The following TNIP3 variants were observed in gnomAD, a reference collection of about 807,000 sequenced individuals.
The protein encoded by TNIP3 is TNFAIP3-interacting protein 3.
Under a neutral mutation model 54.1 loss-of-function variants are expected in TNIP3, and 34 were observed. The ratio of observed to expected loss-of-function variants is 0.63; its 90% CI spans 0.48 to 0.84. The LOEUF is 0.84. TNIP3 is among the 40% of genes least tolerant of loss of function. The pLI is 0.00. For missense variants in TNIP3, 366 were observed against 387.6 expected (o/e 0.94, Z 0.47); for synonymous variants, 134 against 136.8 (o/e 0.98, Z 0.14).
chr4:121,179,980 A>T (rs1012390712), intron 3 of TNIP3, among the ~76,000 whole-genome samples: 2 of 152,152 alleles, frequency 1.3e-5, no homozygotes, highest in African/African-American at 4.8e-5. Flanking sequence ...TGAGCCCAGG[A>T]CAGATCCTTG....
Position 121,196,760 on chromosome 4 carries a change from T to C in TNIP3, c.69-13964A>G, listed in dbSNP as rs192282060. 2.4e-3 allele frequency among the ~76,000 whole-genome samples: 372 copies of C among 152,184 alleles called. 3 individuals carry two copies. The highest frequency in any genetic ancestry group is 2.5e-3 in the Non-Finnish European group (167 of 67,978). On this transcript the variant is annotated intron_variant, in intron 2 of 12. Coordinates refer to the TNIP3 transcript ENST00000507879. ...TTCTGTATAAAGGTTTTTATAATAA[T>C]TGTTATAATAATACAATTTCAACGT...
intron 2 of TNIP3, among the ~76,000 whole-genome samples, chr4:121,196,016 G>A (rs568810140): frequency 2.6e-5 from 4 of 152,320 alleles, no homozygotes; most frequent in African/African-American, 9.6e-5. Context: ...GATTCATGGA[G>A]CCAGGCACTG....
intron 2 of TNIP3, among the ~76,000 whole-genome samples, chr4:121,209,049 T>G (rs62321503): frequency 6.6e-6 from 1 of 152,204 alleles, no homozygotes; most frequent in African/African-American, 2.4e-5. Flanking sequence ...TACTGGGTTC[T>G]GTATGGATAT....
At chr4:121,137,667 C>G (rs1433910397) in intron 10 of TNIP3, 2 of 262,004 alleles carry the variant, frequency 7.6e-6, no homozygotes, top group Non-Finnish European at 1.5e-5. Context: ...ATGTGGTGTC[C>G]CTGACTCCCT....
At chr4:121,203,651 A>C (rs1726022782) in intron 2 of TNIP3, among the ~76,000 whole-genome samples, 1 of 152,142 alleles carries the variant, frequency 6.6e-6, no homozygotes, top group Non-Finnish European at 1.5e-5. Flanking sequence ...ATCTGATATA[A>C]TACATAAACT....
intron 10 of TNIP3, among the ~76,000 whole-genome samples, chr4:121,137,284 T>C (rs1728842801): frequency 6.6e-6 from 1 of 152,242 alleles, no homozygotes; most frequent in Admixed American, 6.5e-5. Flanking sequence ...TCTGTTATTA[T>C]ACCATAATAG....
intron 1 of TNIP3, among the ~76,000 whole-genome samples, chr4:121,223,905 C>A (rs931863783): frequency 6.6e-6 from 1 of 152,156 alleles, no homozygotes; most frequent in Non-Finnish European, 1.5e-5. Flanking sequence ...CTATTAAAAT[C>A]AATCAGTTGT....
At chr4:121,195,355 T>C (rs954469711) in intron 2 of TNIP3, among the ~76,000 whole-genome samples, 6 of 152,206 alleles carry the variant, frequency 3.9e-5, no homozygotes, top group Admixed American at 3.3e-4. Flanking sequence ...GTATGAGCCT[T>C]GACATCAGAC....
At chr4:121,161,113 T>A in intron 2 of TNIP3, 23 bp downstream of exon 2, 3 of 1,531,690 alleles carry the variant, frequency 2.0e-6, no homozygotes, top group Non-Finnish European at 2.7e-6. Context: ...CACCTGTGGC[T>A]TTAGCGAATA....
chr4:121,185,178 T>G (rs1272891660), intron 2 of TNIP3, among the ~76,000 whole-genome samples: 1 of 152,198 alleles, frequency 6.6e-6, no homozygotes, highest in Non-Finnish European at 1.5e-5. Context: ...CTTGCTATCT[T>G]TCTAATCTCA....
intron 1 of TNIP3, 106 bp downstream of exon 1, chr4:121,163,954 A>G (rs1730611034): frequency 7.5e-7 from 1 of 1,332,060 alleles, no homozygotes; most frequent in South Asian, 1.7e-5. Context: ...TAGCTAAAGA[A>G]AGCAAACTAG....
At chr4:121,151,756 T>G (rs1239238761) in intron 5 of TNIP3, among the ~76,000 whole-genome samples, 1 of 152,184 alleles carries the variant, frequency 6.6e-6, no homozygotes, top group Non-Finnish European at 1.5e-5. Context: ...TTCATGCTAT[T>G]TGGGATCCTA....
intron 2 of TNIP3, among the ~76,000 whole-genome samples, chr4:121,195,716 G>A (rs902608938): frequency 6.6e-6 from 1 of 152,168 alleles, no homozygotes; most frequent in African/African-American, 2.4e-5. Flanking sequence ...GCTATACAAA[G>A]GCTAGAAGAC....
upstream of TNIP3, among the ~76,000 whole-genome samples, chr4:121,220,378 A>G (rs1249001111): frequency 6.6e-6 from 1 of 152,226 alleles, no homozygotes; most frequent in African/African-American, 2.4e-5. Context: ...CTGGCCCACA[A>G]TAAATCCTTG....
intron 2 of TNIP3, among the ~76,000 whole-genome samples, chr4:121,204,723 A>G (rs985090411): frequency 4.6e-5 from 7 of 152,170 alleles, no homozygotes; most frequent in African/African-American, 1.2e-4. Context: ...TAGATTTACC[A>G]ACGTTAGATT....
In TNIP3 at chr4:121,214,427, A is replaced by G. The variant is rs548884215; in HGVS notation, c.68+1988T>C. Among the ~76,000 whole-genome samples, 26 of 152,364 alleles carry G rather than the reference A, an allele frequency of 1.7e-4. No individual in the cohort carries two copies. In the South Asian group the frequency reaches 5.2e-3, roughly 30 times the overall value. On this transcript the variant is annotated intron_variant, in intron 2 of 12. Transcript: ENST00000507879. ...TCATCATTGTTAAATAGAACTAAAC[A>G]GTAAATTGCATTGCTGGCTGTGGAG...
intron 9 of TNIP3, among the ~76,000 whole-genome samples, chr4:121,140,686 A>G (rs1031899217): frequency 1.3e-5 from 2 of 152,164 alleles, no homozygotes; most frequent in African/African-American, 4.8e-5. Context: ...TGTTTCTCAC[A>G]ATCTGAGTTG....
At chr4:121,191,110 T>A (rs1444088623) in intron 2 of TNIP3, among the ~76,000 whole-genome samples, 1 of 152,206 alleles carries the variant, frequency 6.6e-6, no homozygotes, top group Non-Finnish European at 1.5e-5. Flanking sequence ...TGTTGTTATT[T>A]TAGTATGGCA....
chr4:121,174,443 GA>G (rs925395135), intron 3 of TNIP3, among the ~76,000 whole-genome samples: 2 of 151,806 alleles, frequency 1.3e-5, no homozygotes, highest in African/African-American at 4.8e-5. Context: ...AAAAAAATAA[GA>G]AAGAACATGT....
Sources: allele counts gnomAD v4.1 joint callset (sites outside exome capture counted in the v4.1 genomes callset), GRCh38; gene constraint gnomAD v4.1.1; transcripts MANE v1.5; gene names NCBI Gene and HGNC (gene_info 2026-07-23, HGNC 2026-07-21).